AGBL1: variants seen among roughly 807,000 people sequenced by gnomAD.
AGBL1 encodes the protein AGBL carboxypeptidase 1.
Under a neutral mutation model 118.9 loss-of-function variants are expected in AGBL1, and 130 were observed. The observed-to-expected ratio is 1.09, with a 90% CI of 0.95 to 1.26. AGBL1 has a LOEUF of 1.26. Among genes scored for constraint, AGBL1 ranks in the 50% most tolerant of loss-of-function variants. AGBL1 has a pLI of 0.00. For missense variants in AGBL1, 1,584 were observed against 1,298.1 expected, an observed-to-expected ratio of 1.22 and a Z score of -3.38; for synonymous variants, 555 against 478.9, an observed-to-expected ratio of 1.16 and a Z score of -2.08.
At chr15:86,832,671 C>T (rs1329811636) in intron 22 of AGBL1, among the ~76,000 whole-genome samples, 1 of 152,194 alleles carries the variant, frequency 6.6e-6, no homozygotes, top group East Asian at 1.9e-4. Flanking sequence ...TTGCCCATAT[C>T]ACTGTCAGCA....
At chr15:86,724,727 C>T (rs758017073) in intron 22 of AGBL1, among the ~76,000 whole-genome samples, 1 of 152,040 alleles carries the variant, frequency 6.6e-6, no homozygotes, top group Non-Finnish European at 1.5e-5. Flanking sequence ...GGGAGTGGAT[C>T]CCTCATGAAT....
chr15:86,862,318 T>C (rs1160230770), intron 22 of AGBL1, among the ~76,000 whole-genome samples: 1 of 152,192 alleles, frequency 6.6e-6, no homozygotes, highest in Non-Finnish European at 1.5e-5. Context: ...GTATTACTGA[T>C]AAGTCCTACA....
chr15:86,722,336 C>T (rs2086737246), intron 22 of AGBL1, among the ~76,000 whole-genome samples: 1 of 152,098 alleles, frequency 6.6e-6, no homozygotes, highest in South Asian at 2.1e-4. Context: ...AGAGCAGAGC[C>T]CTCAGAAATA....
At chr15:86,126,944 T>A (rs185495308) in intron 1 of AGBL1, among the ~76,000 whole-genome samples, 40 of 152,278 alleles carry the variant, frequency 2.6e-4, no homozygotes, top group African/African-American at 9.4e-4. Context: ...TGAAGTCCTT[T>A]AGAGGTGCTT....
intron 21 of AGBL1, among the ~76,000 whole-genome samples, chr15:86,602,189 C>T (rs1295083861): frequency 6.6e-5 from 10 of 152,104 alleles, no homozygotes; most frequent in Non-Finnish European, 1.2e-4. Context: ...ATCTAATCCT[C>T]ACTAACAATG....
chr15:86,236,406 A>G (rs934212725), intron 6 of AGBL1, among the ~76,000 whole-genome samples: 6 of 150,280 alleles, frequency 4.0e-5, no homozygotes, highest in Non-Finnish European at 7.4e-5. Context: ...AATAAAATGC[A>G]TTGCACAGAA....
intron 5 of AGBL1, among the ~76,000 whole-genome samples, chr15:86,160,811 A>G (rs535255771): frequency 6.6e-5 from 10 of 152,176 alleles, no homozygotes; most frequent in African/African-American, 2.2e-4. Flanking sequence ...CCACTTGGGT[A>G]CCATGTTGTT....
intron 17 of AGBL1, among the ~76,000 whole-genome samples, chr15:86,351,439 G>T (rs58039486): frequency 0.035 from 5,380 of 152,182 alleles, 318 homozygotes; most frequent in African/African-American, 0.12. Flanking sequence ...GCTATCCAAA[G>T]AATTTATGTC....
chr15:86,295,298 T>G lies in AGBL1; in HGVS notation c.2264T>G (p.Val755Gly). 6.2e-7 allele frequency: 1 copy of G among 1,613,548 alleles called. No individual in the cohort carries two copies. Among genetic ancestry groups the G allele is most frequent in the Non-Finnish European group, 8.5e-7 (1 of 1,179,668 alleles). Residue 755 changes from valine to glycine, a missense_variant, in exon 17 of 23, where the codon GTC (valine) becomes GGC (glycine). Val to Gly is a moderately radical substitution (Grantham distance 109, BLOSUM62 -3). Coordinates refer to ENST00000614907, the MANE Select transcript of AGBL1 (RefSeq NM_001386094.1). ...GAAAAGAGTGTCAACCTCAAAGAGG[T>G]CTACTTCCGGCAAGATGTTCTCTGC... ...ILEKSVNLKEVYFRQDVLCQT... is the reference protein window; with the variant it reads ...ILEKSVNLKEGYFRQDVLCQT...
Position 86,264,785 on chromosome 15 carries a change from C to A in AGBL1, c.1614C>A (p.His538Gln). ...TGGCATTTCCTGATGTCTGGGGACACTGTCCCCCTCCCACCACCCAGCCTA... is the reference window on the plus strand; with the variant it reads ...TGGCATTTCCTGATGTCTGGGGACAATGTCCCCCTCCCACCACCCAGCCTA... ...KMMAFPDVWG[H>Q]CPPPTTQPML... The change falls in exon 11 of 23, where the codon CAC becomes CAA. Residue 538 changes from histidine to glutamine, a missense_variant. Transcript: ENST00000614907. 6.2e-7 allele frequency: 1 copy of A among 1,613,840 alleles called. No individual in the cohort carries two copies. Among genetic ancestry groups the A allele is most frequent in the Non-Finnish European group, 8.5e-7 (1 of 1,179,810 alleles).
chr15:86,191,274 G>C (rs556453957), intron 5 of AGBL1, among the ~76,000 whole-genome samples: 93 of 150,668 alleles, frequency 6.2e-4, no homozygotes, highest in African/African-American at 2.2e-3. Context: ...CTTGAACCTG[G>C]GAGGCGGAGG....
At chr15:86,167,533 G>A (rs939089106) in intron 5 of AGBL1, among the ~76,000 whole-genome samples, 7 of 152,310 alleles carry the variant, frequency 4.6e-5, no homozygotes, top group Admixed American at 6.5e-5. Context: ...GGCGTGAACC[G>A]CCATGCCTGG....
intron 22 of AGBL1, among the ~76,000 whole-genome samples, chr15:86,883,178 G>A (rs2079920461): frequency 6.6e-6 from 1 of 152,128 alleles, no homozygotes; most frequent in Non-Finnish European, 1.5e-5. Context: ...AGCTAATTTT[G>A]AACAAGTTAT....
intron 6 of AGBL1, among the ~76,000 whole-genome samples, chr15:86,237,513 C>A (rs544754787): frequency 6.6e-6 from 1 of 152,100 alleles, no homozygotes; most frequent in Non-Finnish European, 1.5e-5. Flanking sequence ...TAAATCCTGG[C>A]TTTCTTCTTT....
rs137888449 is a variant in AGBL1, at chr15:87,016,843, T to A, written c.3324-11982T>A. On this transcript the variant is annotated intron_variant, in intron 24 of 24. Transcript: ENST00000441037. ...ATCTTTGCAACCAGCAGATCAGGGA[T>A]CCCCTTCTAAGCCCATACCACCAAG... Among the ~76,000 whole-genome samples, 312 of 152,174 alleles carry A rather than the reference T, an allele frequency of 2.1e-3. 1 individual carries two copies. The highest frequency in any genetic ancestry group is 6.8e-3 in the Middle Eastern group (2 of 294).
Position 86,262,078 on chromosome 15 carries a change from C to T in AGBL1, c.970-700C>T, listed in dbSNP as rs201230508. ...CACTGCTAGGCCTATGCATAGCTGG[C>T]TTTTTTTTTTTTTTTTGCCATTTAG... On this transcript the variant is annotated intron_variant, in intron 9 of 22. Coordinates refer to ENST00000614907, the MANE Select transcript of AGBL1 (RefSeq NM_001386094.1). Among the ~76,000 whole-genome samples, 163 of 52,752 alleles carry T rather than the reference C, an allele frequency of 3.1e-3. 1 individual carries two copies. The highest frequency in any genetic ancestry group is 0.015 in the Middle Eastern group (1 of 68). 34.6% of individuals were successfully genotyped at this position (52,752 alleles called of 152,430 possible).
intron 18 of AGBL1, among the ~76,000 whole-genome samples, chr15:86,521,444 G>A (rs1357056733): frequency 6.6e-6 from 1 of 152,144 alleles, no homozygotes; most frequent in Non-Finnish European, 1.5e-5. Context: ...GCCCCCAGGA[G>A]GCTCCTAGTC....
rs565136765 is a variant in AGBL1 at position 86,719,345 on chromosome 15, G to C, written c.3158+44909G>C. Among the ~76,000 whole-genome samples, 3 of 152,208 alleles carry C rather than the reference G, an allele frequency of 2.0e-5. No homozygotes were observed. The East Asian group carries it at 5.8e-4, about 29-fold the overall frequency. On this transcript the variant is annotated intron_variant, in intron 22 of 22. Coordinates refer to ENST00000614907, the MANE Select transcript of AGBL1 (RefSeq NM_001386094.1). ...GCCTCCAAGCACCTTACATACAATA[G>C]TAAGTTAATTAATACCAGCTCTGAG... is the stretch of plus-strand genomic sequence containing the variant.
intron 21 of AGBL1, among the ~76,000 whole-genome samples, chr15:86,565,638 A>T (rs1211698179): frequency 6.6e-6 from 1 of 152,238 alleles, no homozygotes; most frequent in South Asian, 2.1e-4. Context: ...TGCTAGGAGA[A>T]CCACTACTGT....
Sources: allele counts gnomAD v4.1 joint callset (sites outside exome capture counted in the v4.1 genomes callset), GRCh38; gene constraint gnomAD v4.1.1; transcripts MANE v1.5; gene names NCBI Gene and HGNC (gene_info 2026-07-23, HGNC 2026-07-21).